Variants in XYLT1 observed in about 807,000 individuals in gnomAD.
The protein encoded by XYLT1 is xylosyltransferase 1.
Under a neutral mutation model 91.3 loss-of-function variants are expected in XYLT1, and 36 were observed. That is an observed-to-expected ratio of 0.39 (90% confidence interval 0.30 to 0.52). XYLT1 has a LOEUF of 0.52. Among genes scored for constraint, XYLT1 ranks in the 20% least tolerant of loss-of-function variants. XYLT1 has a pLI of 0.68. For missense variants in XYLT1, 1,242 were observed against 1,284.5 expected (o/e 0.97, Z 0.51); for synonymous variants, 588 against 532.0 (o/e 1.11, Z -1.45).
At chr16:17,199,554 A>C (rs1274207006) in intron 4 of XYLT1, among the ~76,000 whole-genome samples, 1 of 152,146 alleles carries the variant, frequency 6.6e-6, no homozygotes, top group East Asian at 1.9e-4. Context: ...TAGCTCCCAT[A>C]ATTCCCACGT....
chr16:17,175,234 C>A (rs995427057), intron 5 of XYLT1, among the ~76,000 whole-genome samples: 1 of 152,162 alleles, frequency 6.6e-6, no homozygotes, highest in Non-Finnish European at 1.5e-5. Flanking sequence ...CTAATCCTCA[C>A]AACCCCCCTA....
chr16:17,281,725 C>T (rs923697665), intron 2 of XYLT1, among the ~76,000 whole-genome samples: 30 of 152,166 alleles, frequency 2.0e-4, no homozygotes, highest in African/African-American at 7.2e-4. Context: ...TGCAGGAGCA[C>T]TGGAAAGGCA....
In XYLT1 at chr16:17,131,040, C is replaced by T. The variant is rs74570941; in HGVS notation, c.2028-3179G>A. Among the ~76,000 whole-genome samples, 56 of 151,968 alleles carry T rather than the reference C, an allele frequency of 3.7e-4. 1 individual carries two copies. In the East Asian group the frequency reaches 0.01, roughly 27 times the overall value. On this transcript the variant is annotated intron_variant, in intron 9 of 11. Coordinates refer to ENST00000261381, the MANE Select transcript of XYLT1 (RefSeq NM_022166.4). The stretch of plus-strand genomic sequence containing the variant: ...CTTGTGCTTAGGTACTGTCTGTCTG[C>T]ACACTAGAATGGGAGGGCTTTGAGT...
intron 5 of XYLT1, among the ~76,000 whole-genome samples, chr16:17,194,488 A>G (rs2032385500): frequency 2.0e-5 from 3 of 152,216 alleles, no homozygotes; most frequent in African/African-American, 7.2e-5. Context: ...CTGGGAATCC[A>G]GAGAAGGAAG....
Position 17,204,838 on chromosome 16 carries a change from G to A in XYLT1, c.914-4184C>T, listed in dbSNP as rs138336818. On this transcript the variant is annotated intron_variant, in intron 3 of 11. Transcript: ENST00000261381. Reference sequence around the variant, plus strand: ...CCTCATTTCAAAAAGAGGAAAATCCGTCCCTAGAGGAAATGTGTCAGCTTT... The same window carrying A: ...CCTCATTTCAAAAAGAGGAAAATCCATCCCTAGAGGAAATGTGTCAGCTTT... Among the ~76,000 whole-genome samples the A allele has an allele frequency of 4.5e-3, 690 of 152,148 alleles. 8 individuals carry two copies. The highest frequency in any genetic ancestry group is 0.016 in the African/African-American group (664 of 41,514).
intron 2 of XYLT1, among the ~76,000 whole-genome samples, chr16:17,350,568 C>T (rs2035206773): frequency 6.6e-6 from 1 of 152,222 alleles, no homozygotes; most frequent in Non-Finnish European, 1.5e-5. Flanking sequence ...TATAGTAAAG[C>T]AATCTGGTCC....
chr16:17,170,870 T>C (rs73520930), intron 5 of XYLT1, among the ~76,000 whole-genome samples: 8,921 of 152,310 alleles, frequency 0.059, 379 homozygotes, highest in African/African-American at 0.12. Flanking sequence ...CAGAGAAATG[T>C]AGGTTTGAGT....
At chr16:17,313,699 A>G (rs1346263444) in intron 2 of XYLT1, among the ~76,000 whole-genome samples, 2 of 151,862 alleles carry the variant, frequency 1.3e-5, no homozygotes, top group African/African-American at 4.8e-5. Context: ...AAAAAAAAAA[A>G]AAAGTTCATA....
chr16:17,354,735 C>T (rs1232677227), intron 2 of XYLT1: 1 of 152,218 alleles, frequency 6.6e-6, no homozygotes, highest in Non-Finnish European at 1.5e-5. Flanking sequence ...TTGGCCACAT[C>T]TGCCATCTTG....
chr16:17,211,326 G>C (rs2032752923), intron 3 of XYLT1, among the ~76,000 whole-genome samples: 1 of 152,144 alleles, frequency 6.6e-6, no homozygotes, highest in Non-Finnish European at 1.5e-5. Context: ...CATCCTGCAA[G>C]GACCCAAAGG....
intron 1 of XYLT1, among the ~76,000 whole-genome samples, chr16:17,443,180 T>C (rs931227200): frequency 6.6e-6 from 1 of 152,260 alleles, no homozygotes; most frequent in African/African-American, 2.4e-5. Flanking sequence ...GGAATTGGCA[T>C]GTGCCTGACA....
intron 1 of XYLT1, among the ~76,000 whole-genome samples, chr16:17,363,335 A>T (rs1054105067): frequency 6.6e-6 from 1 of 152,214 alleles, no homozygotes; most frequent in Non-Finnish European, 1.5e-5. Context: ...GGGCTGCTAT[A>T]ATAATACACA....
At chr16:17,381,072 C>T (rs1378339761) in intron 1 of XYLT1, among the ~76,000 whole-genome samples, 4 of 152,166 alleles carry the variant, frequency 2.6e-5, no homozygotes, top group South Asian at 2.1e-4. Flanking sequence ...GCCTGCAAAG[C>T]GTTTTAGAAC....
intron 1 of XYLT1, among the ~76,000 whole-genome samples, chr16:17,443,954 A>G (rs1455360609): frequency 6.6e-6 from 1 of 152,002 alleles, no homozygotes; most frequent in Non-Finnish European, 1.5e-5. Context: ...AAAGCTCCCC[A>G]TATTTTCACC....
intron 1 of XYLT1, among the ~76,000 whole-genome samples, chr16:17,448,107 C>T (rs1330451646): frequency 1.3e-5 from 2 of 152,224 alleles, no homozygotes; most frequent in Admixed American, 1.3e-4. Flanking sequence ...GTGGCTCACA[C>T]CTGTAATCCC....
At chr16:17,275,371 G>GC (rs1381665707) in intron 2 of XYLT1, among the ~76,000 whole-genome samples, 3 of 152,122 alleles carry the variant, frequency 2.0e-5, no homozygotes, top group Admixed American at 6.5e-5. Context: ...TTGGCTCAGT[G>GC]CCCCACAGGT....
intron 5 of XYLT1, 31 bp from the exon 6 acceptor site, chr16:17,158,940 C>T: frequency 1.3e-6 from 2 of 1,596,078 alleles, no homozygotes; most frequent in East Asian, 4.5e-5. Context: ...GAGAGTCAGG[C>T]CAGACACCGT....
chr16:17,193,147 A>G (rs1259244791), intron 5 of XYLT1: 1 of 152,110 alleles, frequency 6.6e-6, no homozygotes, highest in Non-Finnish European at 1.5e-5. Flanking sequence ...TGTGAGTTCA[A>G]GAAATACTTT....
In XYLT1 at chr16:17,108,359, C is replaced by T. The variant is rs543549760; in HGVS notation, c.*336G>A. The T allele has an allele frequency of 4.0e-6, 1 of 248,604 alleles. No individual in the cohort carries two copies. The highest frequency in any genetic ancestry group is 7.5e-5 in the East Asian group (1 of 13,250). The allele number at this position is 248,604 out of a possible 1,614,324, so 15.4% of individuals were successfully genotyped here. A position where few individuals can be genotyped will look rare whatever the true frequency, so the allele number is the denominator to read the frequency against. On this transcript the variant is annotated 3_prime_UTR_variant, in exon 12 of 12. Coordinates refer to ENST00000261381, the MANE Select transcript of XYLT1 (RefSeq NM_022166.4). ...ACTGTGCTCCGTAAACGAAGTTCTGCTGCTCGAAAGAAAAGTCTGAAAATC... is the reference window on the plus strand; with the variant it reads ...ACTGTGCTCCGTAAACGAAGTTCTGTTGCTCGAAAGAAAAGTCTGAAAATC...
Sources: gnomAD v4.1 joint callset for allele counts (sites outside exome capture counted in the v4.1 genomes callset) on GRCh38, gnomAD v4.1.1 for gene constraint, MANE v1.5 for transcripts, NCBI Gene and HGNC (gene_info 2026-07-23, HGNC 2026-07-21) for gene names.